PLPPR5: variants seen among roughly 807,000 people sequenced by gnomAD.
PLPPR5 encodes phospholipid phosphatase-related protein type 5.
Under a neutral mutation model 33.9 loss-of-function variants are expected in PLPPR5, and 16 were observed. The ratio of observed to expected loss-of-function variants is 0.47; its 90% CI spans 0.32 to 0.72. The LOEUF (loss-of-function observed/expected upper bound fraction) is 0.72. Among genes scored for constraint, PLPPR5 ranks in the 30% least tolerant of loss-of-function variants. The pLI, the probability that PLPPR5 is intolerant of heterozygous loss-of-function variation, is 0.03. For synonymous variants in PLPPR5, 163 were observed against 150.3 expected, an observed-to-expected ratio of 1.08 and a Z score of -0.62; for missense variants, 301 against 406.7, an observed-to-expected ratio of 0.74 and a Z score of 2.23.
intron 1 of PLPPR5, among the ~76,000 whole-genome samples, chr1:98,992,210 T>C (rs12042620): frequency 0.093 from 14,143 of 152,116 alleles, 796 homozygotes; most frequent in East Asian, 0.25. Flanking sequence ...CAGTAGCTCA[T>C]AGAACTACTT....
intron 1 of PLPPR5, chr1:98,990,917 C>T (rs1433012880): frequency 6.6e-6 from 1 of 151,732 alleles, no homozygotes; most frequent in Non-Finnish European, 1.5e-5. Context: ...TTATATCTAC[C>T]ATTTTAAAGG....
chr1:98,982,126 A>G (rs1022362457), intron 1 of PLPPR5, among the ~76,000 whole-genome samples: 9 of 152,128 alleles, frequency 5.9e-5, no homozygotes, highest in Admixed American at 3.9e-4. Context: ...CAATAAAATC[A>G]TGACTCATCT....
At chr1:98,960,796 C>G (rs2101227537) in intron 1 of PLPPR5, among the ~76,000 whole-genome samples, 1 of 152,256 alleles carries the variant, frequency 6.6e-6, no homozygotes, top group African/African-American at 2.4e-5. Flanking sequence ...CTCAAATCTC[C>G]CACTGCAGAG....
At chr1:98,928,547 T>TTATATATATATATATATATATATATATA (rs1649845626) in intron 3 of PLPPR5, among the ~76,000 whole-genome samples, 1 of 47,486 alleles carries the variant, frequency 2.1e-5, no homozygotes, top group Non-Finnish European at 4.5e-5. Context: ...AAGTTTTAAA[T>TTATATATATATATATATATATATATATA]CATATATATA....
At chr1:99,004,025 G>C (rs796875125) in intron 1 of PLPPR5, among the ~76,000 whole-genome samples, 1 of 152,130 alleles carries the variant, frequency 6.6e-6, no homozygotes, top group Admixed American at 6.5e-5. Flanking sequence ...TCTCCTCGCC[G>C]GCCCGCCCGC....
intron 3 of PLPPR5, among the ~76,000 whole-genome samples, chr1:98,951,591 CTT>C (rs1650785816): frequency 1.3e-5 from 2 of 152,150 alleles, no homozygotes; most frequent in Admixed American, 1.3e-4. Context: ...GGCTTAAAAA[CTT>C]TAAAAAATGT....
At position 98,910,942 on chromosome 1, in the gene PLPPR5, C is replaced by T. The variant is rs377130315; in HGVS notation, c.933+3844G>A. On this transcript the variant is annotated intron_variant, in intron 5 of 5. Coordinates refer to ENST00000263177, the MANE Select transcript of PLPPR5 (RefSeq NM_001037317.2). The stretch of plus-strand genomic sequence containing the variant: ...TAGAAAGAAATGATATTGAATGAAA[C>T]GATGTAATTCAAAGACCTGCTGTGT... Among the ~76,000 whole-genome samples the T allele has an allele frequency of 1.3e-4, 19 of 145,816 alleles. No individual in the cohort carries two copies. The South Asian group carries it at 4.1e-3, about 31-fold the overall frequency.
At chr1:98,928,662 A>G (rs1157588677) in intron 3 of PLPPR5, among the ~76,000 whole-genome samples, 1 of 149,614 alleles carries the variant, frequency 6.7e-6, no homozygotes, top group Non-Finnish European at 1.5e-5. Context: ...GAATATTCCA[A>G]AAAAGATTAT....
chr1:98,944,626 T>C (rs914584336), intron 3 of PLPPR5, among the ~76,000 whole-genome samples: 2 of 152,242 alleles, frequency 1.3e-5, no homozygotes, highest in African/African-American at 4.8e-5. Context: ...TTATATGCTA[T>C]ACCCAGTTTG....
chr1:98,972,922 T>A (rs553286327), intron 1 of PLPPR5, among the ~76,000 whole-genome samples: 1 of 152,216 alleles, frequency 6.6e-6, no homozygotes, highest in Admixed American at 6.5e-5. Flanking sequence ...ACAGAATACT[T>A]TTTTTAAAGC....
intron 3 of PLPPR5, among the ~76,000 whole-genome samples, chr1:98,941,551 TG>T (rs1392431423): frequency 8.6e-5 from 5 of 58,206 alleles, no homozygotes; most frequent in African/African-American, 3.2e-4. Context: ...TGTGTGGTTG[TG>T]GGATTTTTTT....
intron 1 of PLPPR5, among the ~76,000 whole-genome samples, chr1:98,974,967 T>TC (rs771394904): frequency 6.6e-6 from 1 of 152,028 alleles, no homozygotes; most frequent in Admixed American, 6.6e-5. Flanking sequence ...CACTGTTCTC[T>TC]TACTTAGCAA....
At chr1:98,906,197 A>AGT (rs763608892) in intron 5 of PLPPR5, among the ~76,000 whole-genome samples, 1 of 150,904 alleles carries the variant, frequency 6.6e-6, no homozygotes, top group Non-Finnish European at 1.5e-5. Flanking sequence ...ATATATATAT[A>AGT]GTGTGTGTGT....
In PLPPR5 at chr1:98,953,020, A is replaced by T. The variant is rs769965382; in HGVS notation, c.621+50T>A. On this transcript the variant is annotated intron_variant, in intron 3 of 5. Transcript: ENST00000263177. ...GAGAAAAAGAATTTCTACATTGGAA[A>T]AATTAACAATAATACAGACTAAGAC... 9.4e-6 allele frequency: 15 copies of T among 1,588,094 alleles called. 1 individual carries two copies. In the Admixed American group the frequency reaches 1.2e-4, roughly 13 times the overall value.
intron 1 of PLPPR5, among the ~76,000 whole-genome samples, chr1:98,976,131 G>A (rs1644812572): frequency 7.3e-6 from 1 of 137,920 alleles, no homozygotes; most frequent in Non-Finnish European, 1.5e-5. Flanking sequence ...ATGATGCCAT[G>A]AATAACCTTT....
At chr1:98,933,391 G>A (rs1022382491) in intron 3 of PLPPR5, among the ~76,000 whole-genome samples, 1 of 150,412 alleles carries the variant, frequency 6.6e-6, no homozygotes, top group East Asian at 2.0e-4. Context: ...GCTGAGGCAG[G>A]AGAATGGTGT....
chr1:98,922,706 C>G (rs1570700235), intron 3 of PLPPR5, among the ~76,000 whole-genome samples: 1 of 152,160 alleles, frequency 6.6e-6, no homozygotes, highest in Admixed American at 6.5e-5. Context: ...CTTAAGTAGG[C>G]CGGGCGCGGT....
chr1:98,948,728 C>A (rs150335238), intron 3 of PLPPR5, among the ~76,000 whole-genome samples: 12 of 152,248 alleles, frequency 7.9e-5, no homozygotes, highest in Admixed American at 3.3e-4. Flanking sequence ...AGGAGAGAGG[C>A]CCAGCTATTT....
chr1:98,976,060 C>T (rs930826795), intron 1 of PLPPR5, among the ~76,000 whole-genome samples: 4 of 130,030 alleles, frequency 3.1e-5, no homozygotes, highest in Non-Finnish European at 4.6e-5. Flanking sequence ...CTGTAAGGCA[C>T]GTGCTGAAGA....
Sources: allele counts gnomAD v4.1 joint callset (sites outside exome capture counted in the v4.1 genomes callset), GRCh38; gene constraint gnomAD v4.1.1; transcripts MANE v1.5; gene names NCBI Gene and HGNC (gene_info 2026-07-23, HGNC 2026-07-21).